Variants in SLC22A16 observed in about 807,000 individuals in gnomAD.
SLC22A16 encodes solute carrier family 22 member 16.
A neutral mutation model predicts 52.9 loss-of-function variants in SLC22A16; 53 were observed. That is an observed-to-expected ratio of 1.00 (90% confidence interval 0.80 to 1.26). SLC22A16 has a LOEUF of 1.26. Ranked by LOEUF, SLC22A16 falls within the 50% of genes most tolerant of loss-of-function variation. SLC22A16 has a pLI of 0.00. For missense variants in SLC22A16, 726 were observed against 704.0 expected (o/e 1.03, Z -0.35); for synonymous variants, 291 against 268.8 (o/e 1.08, Z -0.81).
rs1562272802 is a variant in SLC22A16, at chr6:110,425,070, T to A, written c.1537A>T (p.Met513Leu). ...IFIPQLFVGTMALLSGVLTLK... is the reference protein window; with the variant it reads ...IFIPQLFVGTLALLSGVLTLK... The stretch of plus-strand genomic sequence containing the variant: ...GTTAACACTCCACTCAGGAGGGCCA[T>A]AGTCCCAACAAACAACTAGAAGGAA... Residue 513 changes from methionine to leucine, a missense_variant, in exon 8 of 8, where the codon ATG becomes TTG. Met to Leu is a conservative substitution (Grantham distance 15, BLOSUM62 2). Transcript: ENST00000368919. 3 of 1,614,160 alleles carry A rather than the reference T, an allele frequency of 1.9e-6. No individual in the cohort carries two copies.
intron 2 of SLC22A16, among the ~76,000 whole-genome samples, chr6:110,448,120 G>T (rs1775245743): frequency 6.6e-6 from 1 of 152,144 alleles, no homozygotes; most frequent in Non-Finnish European, 1.5e-5. Context: ...CACCAGCAAT[G>T]TATGAGGGTT....
At chr6:110,455,150 A>C (rs968311915) in intron 2 of SLC22A16, among the ~76,000 whole-genome samples, 2 of 148,552 alleles carry the variant, frequency 1.3e-5, no homozygotes, top group Non-Finnish European at 3.0e-5. Flanking sequence ...AGACAAAGGA[A>C]CTAAATTTAT....
chr6:110,451,098 AC>A (rs1282046098), intron 2 of SLC22A16, among the ~76,000 whole-genome samples: 4 of 152,314 alleles, frequency 2.6e-5, no homozygotes, highest in African/African-American at 9.6e-5. Flanking sequence ...CCTTTATCAA[AC>A]ATTATGTATA....
intron 6 of SLC22A16, among the ~76,000 whole-genome samples, chr6:110,434,757 ATCACGAGG>A (rs1554223570): frequency 6.6e-6 from 1 of 152,116 alleles, no homozygotes; most frequent in Non-Finnish European, 1.5e-5. Context: ...AGGCTGGCGG[ATCACGAGG>A]TCAGGAGTTC....
chr6:110,435,889 A>G lies in SLC22A16; in HGVS notation c.1384T>C (p.Tyr462His), dbSNP rs1774705923. Reference sequence around the variant, plus strand: ...GGATACAGCTCAGCTGTATAAAGATAAATGAGGCCAAATGCTGCCCCGATG... The same window carrying G: ...GGATACAGCTCAGCTGTATAAAGATGAATGAGGCCAAATGCTGCCCCGATG... ...FAIGAAFGLI[Y>H]LYTAELYPTI... The change falls in exon 6 of 8, where the codon TAT becomes CAT. Residue 462 changes from tyrosine (Y) to histidine (H), a missense_variant. Physicochemically the swap from Tyr to His is moderately conservative, Grantham distance 83. Coordinates refer to ENST00000368919, the MANE Select transcript of SLC22A16 (RefSeq NM_033125.4). 1.2e-6 allele frequency: 2 copies of G among 1,613,874 alleles called. No homozygotes were observed. The highest frequency in any genetic ancestry group is 1.7e-6 in the Non-Finnish European group (2 of 1,179,912).
intron 6 of SLC22A16, 101 bp downstream of exon 6, chr6:110,435,751 T>G (rs775527282): frequency 1.2e-5 from 10 of 803,422 alleles, no homozygotes; most frequent in Non-Finnish European, 1.8e-5. Context: ...TCCAGGTAAC[T>G]TCTATAAAAA....
At chr6:110,462,024 C>A (rs996113563) in intron 1 of SLC22A16, among the ~76,000 whole-genome samples, 1 of 152,180 alleles carries the variant, frequency 6.6e-6, no homozygotes, top group Admixed American at 6.5e-5. Flanking sequence ...GAGCAAGTCA[C>A]ATCTTACATG....
At position 110,442,716 on chromosome 6, in the gene SLC22A16, C is replaced by T. The variant is rs762918763; in HGVS notation, c.711G>A (p.Lys237=). 6.2e-7 allele frequency: 1 copy of T among 1,614,162 alleles called. No homozygotes were observed. The highest frequency in any genetic ancestry group is 1.1e-5 in the South Asian group (1 of 91,074). The part of the protein sequence containing the change: ...FVYVMEFIGM[K]SRTWASVHLH... The stretch of plus-strand genomic sequence containing the variant: ...AATGGACAGACGCCCATGTCCGAGA[C>T]TTCATGCCAATGAATTCCATCACAT... Residue 237 remains lysine, a synonymous_variant, in exon 4 of 8, where the codon AAG becomes AAA. Transcript: ENST00000368919.
At chr6:110,468,621 G>C (rs1365496578) in intron 1 of SLC22A16, among the ~76,000 whole-genome samples, 1 of 150,740 alleles carries the variant, frequency 6.6e-6, no homozygotes, top group Non-Finnish European at 1.5e-5. Context: ...ACTCTAGCCT[G>C]GGTAAGCGAG....
At chr6:110,472,848 G>A (rs139506881) in intron 1 of SLC22A16, among the ~76,000 whole-genome samples, 7 of 152,304 alleles carry the variant, frequency 4.6e-5, no homozygotes, top group Admixed American at 6.5e-5. Flanking sequence ...AAGCAAGGGC[G>A]GCCAGAAGCC....
intron 5 of SLC22A16, among the ~76,000 whole-genome samples, chr6:110,436,874 C>T (rs1774752996): frequency 6.6e-6 from 1 of 152,086 alleles, no homozygotes; most frequent in Non-Finnish European, 1.5e-5. Flanking sequence ...CAAAGACACC[C>T]TATATTCCGA....
In SLC22A16 at chr6:110,476,209, GATCTCCAGCCAGA is replaced by G. The variant is rs1327733836; in HGVS notation, c.53+300_53+312del. The G allele has an allele frequency of 6.9e-5, 49 of 712,642 alleles. 3 individuals carry two copies. The highest frequency in any genetic ancestry group is 4.8e-4 in the Middle Eastern group (1 of 2,066). 44.1% of individuals were successfully genotyped at this position (712,642 alleles called of 1,614,324 possible). ...GAGTGAGATCTGGCCCCTCGAGCCA[GATCTCCAGCCAGA>G]TGCCTCCAGCATCTGCTGCCGCGGA... On this transcript the variant is annotated intron_variant, in intron 1 of 7. Coordinates refer to ENST00000368919, the MANE Select transcript of SLC22A16 (RefSeq NM_033125.4).
At chr6:110,431,636 G>T (rs1456608453) in intron 6 of SLC22A16, among the ~76,000 whole-genome samples, 2 of 152,126 alleles carry the variant, frequency 1.3e-5, no homozygotes, top group Non-Finnish European at 1.5e-5. Context: ...ACTCTATGAT[G>T]TTCTGACAAC....
intron 3 of SLC22A16, among the ~76,000 whole-genome samples, chr6:110,443,156 C>CA (rs1465978680): frequency 6.6e-6 from 1 of 152,020 alleles, no homozygotes; most frequent in Non-Finnish European, 1.5e-5. Context: ...TAAATGGAGA[C>CA]AAAAAAATTT....
At chr6:110,466,911 T>TAATAGATAGATA (rs1776082747) in intron 1 of SLC22A16, among the ~76,000 whole-genome samples, 1 of 140,552 alleles carries the variant, frequency 7.1e-6, no homozygotes, top group Non-Finnish European at 1.5e-5. Context: ...AAAGAAAATG[T>TAATAGATAGATA]GATAGATAGA....
At chr6:110,448,947 C>T (rs1356865229) in intron 2 of SLC22A16, among the ~76,000 whole-genome samples, 1 of 152,196 alleles carries the variant, frequency 6.6e-6, no homozygotes, top group Non-Finnish European at 1.5e-5. Context: ...TTTCCCTCTC[C>T]TTTGACTTCT....
At chr6:110,426,629 C>T (rs1047898780) in intron 7 of SLC22A16, among the ~76,000 whole-genome samples, 1 of 152,138 alleles carries the variant, frequency 6.6e-6, no homozygotes, top group African/African-American at 2.4e-5. Context: ...TTCCTTTCTG[C>T]TGGCTATTTT....
intron 1 of SLC22A16, among the ~76,000 whole-genome samples, chr6:110,461,213 T>C (rs1044460590): frequency 5.3e-5 from 8 of 152,146 alleles, no homozygotes; most frequent in African/African-American, 1.4e-4. Context: ...GAGCTGACTG[T>C]TCTGGACTGG....
chr6:110,474,185 C>A (rs772885990), intron 1 of SLC22A16, among the ~76,000 whole-genome samples: 6 of 152,148 alleles, frequency 3.9e-5, no homozygotes, highest in Non-Finnish European at 5.9e-5. Context: ...CCTCCCGACC[C>A]CACCACAGGT....
Sources: gnomAD v4.1 joint callset for allele counts (sites outside exome capture counted in the v4.1 genomes callset) on GRCh38, gnomAD v4.1.1 for gene constraint, MANE v1.5 for transcripts, NCBI Gene and HGNC (gene_info 2026-07-23, HGNC 2026-07-21) for gene names.